DUSP22: variants seen among roughly 807,000 people sequenced by gnomAD.
DUSP22 encodes the protein dual specificity protein phosphatase 22.
Under a neutral mutation model 24.5 loss-of-function variants are expected in DUSP22, and 24 were observed. That is an observed-to-expected ratio of 0.98 (90% CI 0.71 to 1.38). DUSP22 has a LOEUF of 1.38. Ranked by LOEUF, DUSP22 falls within the 40% of genes most tolerant of loss-of-function variation. The pLI is 0.00. For synonymous variants in DUSP22, 160 were observed against 106.4 expected (o/e 1.50, Z -3.10); for missense variants, 330 against 269.2 (o/e 1.23, Z -1.58).
intron 3 of DUSP22, chr6:326,276 C>T (rs926167029): frequency 8.6e-4 from 193 of 223,960 alleles, no homozygotes; most frequent in Admixed American, 3.8e-3. Flanking sequence ...TGGGCTTCTG[C>T]GTCCTGGTGT....
intron 3 of DUSP22, among the ~76,000 whole-genome samples, chr6:333,982 T>C (rs1759253353): frequency 6.6e-6 from 1 of 152,306 alleles, no homozygotes; most frequent in African/African-American, 2.4e-5. Flanking sequence ...CAGCTACACA[T>C]TTAGTTGTCC....
At chr6:307,093 C>T (rs998356269) in intron 2 of DUSP22, among the ~76,000 whole-genome samples, 4 of 152,302 alleles carry the variant, frequency 2.6e-5, no homozygotes, top group Non-Finnish European at 5.9e-5. Context: ...TGGAATGTGG[C>T]CTCTTTCTTT....
chr6:350,660 CAT>C lies in DUSP22; in HGVS notation c.*1710_*1711del. 2 of 1,515,942 alleles carry C rather than the reference CAT, an allele frequency of 1.3e-6. No homozygotes were observed. The highest frequency in any genetic ancestry group is 1.3e-5 in the South Asian group (1 of 76,520). 93.9% of individuals were successfully genotyped at this position (1,515,942 alleles called of 1,614,324 possible). A position where few individuals can be genotyped will look rare whatever the true frequency, so the allele number is the denominator to read the frequency against. ...GCTAAAACAATTTGCCAATAAAGTACATGTTTTTCCTAAGCCAAAAATAAATA... is the reference window on the plus strand; with the variant it reads ...GCTAAAACAATTTGCCAATAAAGTACGTTTTTCCTAAGCCAAAAATAAATA... On this transcript the variant is annotated 3_prime_UTR_variant, in exon 7 of 7. Transcript: ENST00000419235.
chr6:322,887 G>A (rs1314484452), intron 3 of DUSP22, among the ~76,000 whole-genome samples: 1 of 152,232 alleles, frequency 6.6e-6, no homozygotes, highest in Admixed American at 6.5e-5. Context: ...AAGTTAAAGG[G>A]GGTAGGTTGG....
intron 4 of DUSP22, among the ~76,000 whole-genome samples, chr6:336,518 G>C (rs1424977211): frequency 6.6e-6 from 1 of 152,294 alleles, no homozygotes; most frequent in East Asian, 1.9e-4. Context: ...AGAAATCACA[G>C]GTTATGCGAT....
At chr6:293,797 CTTT>C (rs11436850) in intron 1 of DUSP22, among the ~76,000 whole-genome samples, 20 of 123,682 alleles carry the variant, frequency 1.6e-4, no homozygotes, top group African/African-American at 4.6e-4. Flanking sequence ...ATTGTATTCA[CTTT>C]TTTTTTTTTT....
intron 4 of DUSP22, among the ~76,000 whole-genome samples, chr6:339,949 T>C (rs1407531437): frequency 7.2e-5 from 11 of 152,292 alleles, no homozygotes; most frequent in Non-Finnish European, 2.9e-5. Flanking sequence ...TGCCAGCCCA[T>C]AGTGATGTTC....
At chr6:299,276 A>G (rs1280959598) in intron 1 of DUSP22, among the ~76,000 whole-genome samples, 3 of 152,292 alleles carry the variant, frequency 2.0e-5, no homozygotes, top group Non-Finnish European at 4.4e-5. Flanking sequence ...TTGCAGATAA[A>G]CACCTTGTGG....
chr6:322,835 C>T lies in DUSP22; in HGVS notation c.138+10873C>T, dbSNP rs2797326. Among the ~76,000 whole-genome samples the T allele has an allele frequency of 7.6e-3, 551 of 72,332 alleles. 9 individuals carry two copies. The highest frequency in any genetic ancestry group is 0.027 in the African/African-American group (514 of 19,196). 47.5% of individuals were successfully genotyped at this position (72,332 alleles called of 152,430 possible). A position where few individuals can be genotyped will look rare whatever the true frequency, so the allele number is the denominator to read the frequency against. The stretch of plus-strand genomic sequence containing the variant: ...CGTGGGTTATGGCTGCTTGGTGGGG[C>T]GGGGGGGGGCCTTCGAGTCTGCAAT... On this transcript the variant is annotated intron_variant, in intron 3 of 6. Transcript: ENST00000419235.
In DUSP22 at chr6:309,965, G is replaced by A. The variant is rs1317109629; in HGVS notation, c.56-1915G>A. ...TTTGTTGTTGTTGTTGTTTGGTTTT[G>A]TTTTGTTTTGCTTGAGATAGACTCT... On this transcript the variant is annotated intron_variant, in intron 2 of 6. Transcript: ENST00000419235. 3.3e-5 allele frequency among the ~76,000 whole-genome samples: 5 copies of A among 152,278 alleles called. No individual in the cohort carries two copies. The East Asian group carries it at 9.6e-4, about 29-fold the overall frequency.
At chr6:307,389 T>C (rs1411245673) in intron 2 of DUSP22, among the ~76,000 whole-genome samples, 1 of 152,074 alleles carries the variant, frequency 6.6e-6, no homozygotes, top group Non-Finnish European at 1.5e-5. Flanking sequence ...CGCCTGTCAC[T>C]CTGCAACTCT....
intron 3 of DUSP22, chr6:320,512 T>C (rs1446843242): frequency 6.5e-6 from 1 of 152,968 alleles, no homozygotes; most frequent in Non-Finnish European, 1.5e-5. Flanking sequence ...CTCCTCCGTG[T>C]TCGGACTGAG....
chr6:295,510 C>T (rs940819552), intron 1 of DUSP22, among the ~76,000 whole-genome samples: 51 of 152,244 alleles, frequency 3.3e-4, no homozygotes, highest in Admixed American at 2.1e-3. Context: ...CGTGGTGGCT[C>T]GTGCCTGTAA....
chr6:295,763 G>A (rs754012513), intron 1 of DUSP22, among the ~76,000 whole-genome samples: 1 of 147,990 alleles, frequency 6.8e-6, no homozygotes, highest in Non-Finnish European at 1.5e-5. Flanking sequence ...TTGTGCCACC[G>A]CACTCCAGCC....
Position 304,664 on chromosome 6 carries a change from G to A in DUSP22, c.55+3G>A, listed in dbSNP as rs777829242. The A allele has an allele frequency of 1.9e-6, 3 of 1,614,224 alleles. No homozygotes were observed. Among genetic ancestry groups the A allele is most frequent in the Non-Finnish European group, 2.5e-6 (3 of 1,179,992 alleles). Reference sequence around the variant, plus strand: ...CCTGTACATCGGCAACTTCAAAGGTGAGTTCTTGCTTTTTTATTGTTGTGA... The same window carrying A: ...CCTGTACATCGGCAACTTCAAAGGTAAGTTCTTGCTTTTTTATTGTTGTGA... On this transcript the variant is annotated splice_donor_region_variant and intron_variant, in intron 2 of 6. Transcript: ENST00000419235.
chr6:346,502 C>T (rs979413648), intron 5 of DUSP22, among the ~76,000 whole-genome samples: 1 of 152,290 alleles, frequency 6.6e-6, no homozygotes, highest in Non-Finnish European at 1.5e-5. Context: ...GAGGATGATG[C>T]ATCTGAAGCG....
At chr6:296,529 T>G (rs1424462833) in intron 1 of DUSP22, among the ~76,000 whole-genome samples, 2 of 152,310 alleles carry the variant, frequency 1.3e-5, no homozygotes, top group African/African-American at 2.4e-5. Context: ...GGGTGTTGCA[T>G]GCAAATGTCG....
At position 350,184 on chromosome 6, in the gene DUSP22, C is replaced by G. The variant is rs1231328118; in HGVS notation, c.*1233C>G. 1 of 986,042 alleles carries G rather than the reference C, an allele frequency of 1.0e-6. No individual in the cohort carries two copies. The highest frequency in any genetic ancestry group is 1.2e-6 in the Non-Finnish European group (1 of 830,438). The allele number at this position is 986,042 out of a possible 1,614,324, so 61.1% of individuals were successfully genotyped here. On this transcript the variant is annotated 3_prime_UTR_variant, in exon 7 of 7. Transcript: ENST00000419235. ...GTTCGGTCATGATTGCTTTTGAAAC[C>G]AAAGGGGAAGGTACCGATATCATTG...
At chr6:333,867 G>A (rs377615101) in intron 3 of DUSP22, among the ~76,000 whole-genome samples, 114 of 152,366 alleles carry the variant, frequency 7.5e-4, no homozygotes, top group South Asian at 6.2e-4. Flanking sequence ...CCCTAATCGC[G>A]AGGGAGGTTG....
Sources: gnomAD v4.1 joint callset for allele counts (sites outside exome capture counted in the v4.1 genomes callset) on GRCh38, gnomAD v4.1.1 for gene constraint, MANE v1.5 for transcripts, NCBI Gene and HGNC (gene_info 2026-07-23, HGNC 2026-07-21) for gene names.